The following TAFA1 variants were observed in gnomAD, a reference collection of about 807,000 sequenced individuals.
TAFA1 encodes chemokine-like protein TAFA-1.
Under a neutral mutation model 18.5 loss-of-function variants are expected in TAFA1, and 4 were observed. That is an observed-to-expected ratio of 0.22 (90% CI 0.11 to 0.49). TAFA1 has a LOEUF of 0.49. TAFA1 is among the 20% of genes least tolerant of loss of function. The probability of loss-of-function intolerance (pLI) is 0.98; values close to 1 mark genes in which losing one functional copy is unlikely to be tolerated. For missense variants in TAFA1, 147 were observed against 169.0 expected (o/e 0.87, Z 0.72); for synonymous variants, 56 against 55.2 (o/e 1.01, Z -0.06).
intron 2 of TAFA1, among the ~76,000 whole-genome samples, chr3:68,105,896 T>C (rs2065197597): frequency 6.6e-6 from 1 of 152,150 alleles, no homozygotes; most frequent in South Asian, 2.1e-4. Context: ...TAAAGACTTG[T>C]GGACAGGATA....
chr3:68,528,177 A>ATT (rs773259074), intron 3 of TAFA1, among the ~76,000 whole-genome samples: 3 of 152,204 alleles, frequency 2.0e-5, no homozygotes, highest in Non-Finnish European at 4.4e-5. Context: ...AATAATAGTG[A>ATT]TAACTGCCAC....
At chr3:68,119,396 A>G (rs1177642576) in intron 2 of TAFA1, among the ~76,000 whole-genome samples, 2 of 151,788 alleles carry the variant, frequency 1.3e-5, no homozygotes, top group Non-Finnish European at 2.9e-5. Context: ...GATGTAGTCT[A>G]ATTTATCTAC....
At chr3:68,539,679 G>GTGTGTGT (rs1316493591) in intron 4 of TAFA1, among the ~76,000 whole-genome samples, 1 of 47,448 alleles carries the variant, frequency 2.1e-5, no homozygotes, top group African/African-American at 9.4e-5. Flanking sequence ...GTGTGTGTGT[G>GTGTGTGT]GGGGGGCATG....
intron 3 of TAFA1, among the ~76,000 whole-genome samples, chr3:68,435,215 A>G (rs2071249420): frequency 6.6e-6 from 1 of 152,120 alleles, no homozygotes; most frequent in South Asian, 2.1e-4. Flanking sequence ...GGCAGAAACA[A>G]TGGCATGTGC....
At position 68,143,313 on chromosome 3, in the gene TAFA1, C is replaced by CA. The variant is rs528962758; in HGVS notation, c.118+136575dup. On this transcript the variant is annotated intron_variant, in intron 2 of 4. Coordinates refer to ENST00000478136, the MANE Select transcript of TAFA1 (RefSeq NM_213609.4). ...ATTTATGACAGTCTGGCCACACATA[C>CA]AAAAAATGGGTACTACATTGGCTTA... 4.6e-5 allele frequency among the ~76,000 whole-genome samples: 7 copies of CA among 152,160 alleles called. No homozygotes were observed. In the South Asian group the frequency reaches 1.5e-3, roughly 32 times the overall value.
chr3:68,274,496 A>C (rs370380916), intron 2 of TAFA1, among the ~76,000 whole-genome samples: 1 of 152,198 alleles, frequency 6.6e-6, no homozygotes, highest in East Asian at 1.9e-4. Flanking sequence ...TGAGCTTCAC[A>C]GTGTGGTTTG....
At chr3:68,095,728 T>C (rs1188054623) in intron 2 of TAFA1, among the ~76,000 whole-genome samples, 1 of 152,184 alleles carries the variant, frequency 6.6e-6, no homozygotes, top group Non-Finnish European at 1.5e-5. Context: ...ATTGAGCACT[T>C]ACTTACTGTG....
At chr3:68,477,311 T>C (rs1395054212) in intron 3 of TAFA1, among the ~76,000 whole-genome samples, 1 of 152,206 alleles carries the variant, frequency 6.6e-6, no homozygotes, top group Admixed American at 6.5e-5. Flanking sequence ...TTTAAAAATT[T>C]ACTCTACTTT....
At chr3:68,261,835 G>T (rs2067429221) in intron 2 of TAFA1, among the ~76,000 whole-genome samples, 6 of 151,956 alleles carry the variant, frequency 3.9e-5, no homozygotes, top group Admixed American at 3.3e-4. Flanking sequence ...GTTAATGTGT[G>T]CAGCACACCA....
intron 2 of TAFA1, among the ~76,000 whole-genome samples, chr3:68,187,827 G>T (rs967262412): frequency 2.0e-5 from 3 of 151,934 alleles, no homozygotes; most frequent in African/African-American, 7.2e-5. Flanking sequence ...CCAGTGCTTG[G>T]TTCTGTCAGT....
rs1174980261 is a variant in TAFA1 at position 68,238,953 on chromosome 3, A to G, written c.119-178327A>G. On this transcript the variant is annotated intron_variant, in intron 2 of 4. Transcript: ENST00000478136. The stretch of plus-strand genomic sequence containing the variant: ...AATTCTTTGGGGGTGAAGGCTTTAA[A>G]ACATATCCCACTTTTTTGATTTATG... Among the ~76,000 whole-genome samples the G allele has an allele frequency of 2.6e-5, 4 of 152,172 alleles. No individual in the cohort carries two copies. The East Asian group carries it at 7.7e-4, about 29-fold the overall frequency.
chr3:68,452,175 AAGG>A (rs1016214666), intron 3 of TAFA1, among the ~76,000 whole-genome samples: 2 of 152,156 alleles, frequency 1.3e-5, no homozygotes, highest in African/African-American at 4.8e-5. Flanking sequence ...TGTGGTCTAA[AAGG>A]AGAATTTAGT....
At chr3:68,206,015 T>TC (rs1191414350) in intron 2 of TAFA1, among the ~76,000 whole-genome samples, 7 of 151,908 alleles carry the variant, frequency 4.6e-5, no homozygotes, top group Admixed American at 6.6e-5. Context: ...AATTCCTTTA[T>TC]CGTTCCATGT....
chr3:68,301,208 TC>T (rs1479388462), intron 2 of TAFA1, among the ~76,000 whole-genome samples: 6 of 152,186 alleles, frequency 3.9e-5, no homozygotes, highest in Non-Finnish European at 5.9e-5. Flanking sequence ...CTGTTGTCCT[TC>T]CATTAATTCT....
intron 2 of TAFA1, among the ~76,000 whole-genome samples, chr3:68,403,438 A>C (rs2070535840): frequency 6.6e-6 from 1 of 152,194 alleles, no homozygotes. Flanking sequence ...CAGGGACTAG[A>C]TCTTCTGGAG....
At chr3:68,542,425 A>G (rs2073392117) in intron 4 of TAFA1, among the ~76,000 whole-genome samples, 2 of 152,158 alleles carry the variant, frequency 1.3e-5, no homozygotes, top group African/African-American at 4.8e-5. Flanking sequence ...CTATTTATTT[A>G]CGTCTTTTCT....
At chr3:68,202,269 T>C (rs1214059718) in intron 2 of TAFA1, among the ~76,000 whole-genome samples, 18 of 151,752 alleles carry the variant, frequency 1.2e-4, no homozygotes, top group African/African-American at 2.4e-5. Context: ...TGGTTTCTTG[T>C]AAACAACATC....
At chr3:68,309,889 A>G (rs2068486270) in intron 2 of TAFA1, among the ~76,000 whole-genome samples, 1 of 152,162 alleles carries the variant, frequency 6.6e-6, no homozygotes, top group African/African-American at 2.4e-5. Context: ...GGGATTATAT[A>G]TTCCTTTATG....
At chr3:68,277,509 G>A (rs771742632) in intron 2 of TAFA1, among the ~76,000 whole-genome samples, 2 of 152,100 alleles carry the variant, frequency 1.3e-5, no homozygotes, top group Non-Finnish European at 2.9e-5. Flanking sequence ...AAAAAAAAAG[G>A]CAGGTGCTCC....
Sources: gnomAD v4.1 joint callset for allele counts (sites outside exome capture counted in the v4.1 genomes callset) on GRCh38, gnomAD v4.1.1 for gene constraint, MANE v1.5 for transcripts, NCBI Gene and HGNC (gene_info 2026-07-23, HGNC 2026-07-21) for gene names.